The following IMPG2 variants were observed in gnomAD, a reference collection of about 807,000 sequenced individuals.
The protein encoded by IMPG2 is IPM 200.
In IMPG2, 91 loss-of-function variants were observed where a neutral mutation model predicts 129.2. The observed-to-expected ratio is 0.70, with a 90% CI of 0.59 to 0.84. The LOEUF is 0.84. IMPG2 is among the 40% of genes least tolerant of loss of function. The pLI is 0.00. For missense variants in IMPG2, 1,430 were observed against 1,461.7 expected, an observed-to-expected ratio of 0.98 and a Z score of 0.35; for synonymous variants, 510 against 517.7, an observed-to-expected ratio of 0.99 and a Z score of 0.20.
intron 18 of IMPG2, chr3:101,227,842 A>C (rs766316175): frequency 3.1e-5 from 14 of 456,126 alleles, no homozygotes; most frequent in Non-Finnish European, 6.2e-5. Context: ...TTACAGAGGA[A>C]CCACGAGCAA....
At chr3:101,295,949 AG>A (rs1156446759) in intron 3 of IMPG2, among the ~76,000 whole-genome samples, 2 of 152,198 alleles carry the variant, frequency 1.3e-5, no homozygotes, top group Non-Finnish European at 2.9e-5. Context: ...TATCAGCTTA[AG>A]GAGTTCTGGG....
chr3:101,297,004 G>A (rs571962752), intron 3 of IMPG2, among the ~76,000 whole-genome samples: 4 of 152,234 alleles, frequency 2.6e-5, no homozygotes, highest in South Asian at 2.1e-4. Flanking sequence ...CCAGGTTCAC[G>A]CCACTCTCCT....
intron 2 of IMPG2, among the ~76,000 whole-genome samples, chr3:101,312,397 A>C (rs1707277012): frequency 6.6e-6 from 1 of 152,134 alleles, no homozygotes; most frequent in African/African-American, 2.4e-5. Context: ...AGATATACAA[A>C]TGATAAATAA....
At chr3:101,305,382 C>A (rs138190599) in intron 2 of IMPG2, among the ~76,000 whole-genome samples, 1 of 152,068 alleles carries the variant, frequency 6.6e-6, no homozygotes, top group Non-Finnish European at 1.5e-5. Context: ...AGTGAGAGTA[C>A]TCCATATGAT....
rs924102146 is a variant in IMPG2, at chr3:101,263,097, C to G, written c.908+4414G>C. ...GGAGAGATAGACCCCAATACAATAA[C>G]AGTTGAGGACTTCAACACCCCATTA... On this transcript the variant is annotated intron_variant, in intron 9 of 18. Coordinates refer to ENST00000193391, the MANE Select transcript of IMPG2 (RefSeq NM_016247.4). Among the ~76,000 whole-genome samples, 3 of 151,986 alleles carry G rather than the reference C, an allele frequency of 2.0e-5. No individual in the cohort carries two copies. In the East Asian group the frequency reaches 5.8e-4, roughly 29 times the overall value.
chr3:101,283,233 C>T (rs570901179), intron 4 of IMPG2, among the ~76,000 whole-genome samples: 1 of 152,170 alleles, frequency 6.6e-6, no homozygotes, highest in Non-Finnish European at 1.5e-5. Context: ...CCATGTTGGC[C>T]AGGCTGGTCT....
chr3:101,270,453 C>T (rs1199973678), intron 7 of IMPG2, among the ~76,000 whole-genome samples: 1 of 152,116 alleles, frequency 6.6e-6, no homozygotes, highest in African/African-American at 2.4e-5. Flanking sequence ...TTGCAGGAGC[C>T]AGTTTTATTA....
intron 17 of IMPG2, 140 bp from the exon 18 acceptor site, chr3:101,229,016 T>C (rs896415733): frequency 5.9e-6 from 4 of 683,080 alleles, no homozygotes; most frequent in Non-Finnish European, 1.0e-5. Context: ...AGTGCAGGAG[T>C]GTGCACTTTC....
intron 17 of IMPG2, 59 bp downstream of exon 17, chr3:101,229,321 C>CCCCCCCCCCCCCCCCA: frequency 1.2e-6 from 1 of 864,558 alleles, no homozygotes; most frequent in Non-Finnish European, 1.8e-6. Context: ...CCACCCCCTG[C>CCCCCCCCCCCCCCCCA]TCCCCCACAC....
At chr3:101,291,256 CATA>C (rs1440145464) in intron 4 of IMPG2, among the ~76,000 whole-genome samples, 1 of 152,128 alleles carries the variant, frequency 6.6e-6, no homozygotes, top group African/African-American at 2.4e-5. Flanking sequence ...AAGTTTGCCT[CATA>C]ATAAGTTCAG....
Position 101,224,632 on chromosome 3 carries a change from T to C in IMPG2, c.*2337A>G, listed in dbSNP as rs925857014. ...TAATAGCTCCTTTAGTGCTTTGCTT[T>C]GTACATGAGTGGATGGATCTTTGCT... On this transcript the variant is annotated 3_prime_UTR_variant, in exon 19 of 19. Transcript: ENST00000193391. The C allele has an allele frequency of 6.6e-6, 1 of 152,216 alleles. No individual in the cohort carries two copies. The highest frequency in any genetic ancestry group is 1.5e-5 in the Non-Finnish European group (1 of 68,034). 9.4% of individuals were successfully genotyped at this position (152,216 alleles called of 1,614,324 possible). A position where few individuals can be genotyped will look rare whatever the true frequency, so the allele number is the denominator to read the frequency against.
intron 11 of IMPG2, among the ~76,000 whole-genome samples, chr3:101,251,201 A>G (rs1409070969): frequency 6.6e-6 from 1 of 152,214 alleles, no homozygotes; most frequent in Non-Finnish European, 1.5e-5. Context: ...TCAATGAAAA[A>G]GAAATCCTCA....
intron 3 of IMPG2, among the ~76,000 whole-genome samples, chr3:101,301,339 G>C (rs919047896): frequency 2.6e-5 from 4 of 152,170 alleles, no homozygotes; most frequent in Non-Finnish European, 5.9e-5. Context: ...TGGAAGAATG[G>C]TACTAACAGA....
intron 2 of IMPG2, among the ~76,000 whole-genome samples, chr3:101,305,321 G>C (rs1162680864): frequency 6.6e-6 from 1 of 152,088 alleles, no homozygotes; most frequent in African/African-American, 2.4e-5. Context: ...TGGTTTCCAG[G>C]GGTTGAGGGA....
chr3:101,315,804 T>C (rs1288951596), intron 2 of IMPG2, among the ~76,000 whole-genome samples: 1 of 151,804 alleles, frequency 6.6e-6, no homozygotes, highest in Non-Finnish European at 1.5e-5. Flanking sequence ...AATATTTATA[T>C]GGAATATAAA....
At position 101,229,329 on chromosome 3, in the gene IMPG2, C is replaced by T. The variant is rs375667296; in HGVS notation, c.3633+51G>A. ...CCACCCACCACCCCCTGCTCCCCCA[C>T]ACACACACCAGCAGTAGCTGCGACA... is the stretch of plus-strand genomic sequence containing the variant. On this transcript the variant is annotated intron_variant, in intron 17 of 18. Transcript: ENST00000193391. 4.9e-6 allele frequency: 7 copies of T among 1,416,210 alleles called. No individual in the cohort carries two copies. The African/African-American group carries it at 1.0e-4, about 20-fold the overall frequency. The allele number at this position is 1,416,210 out of a possible 1,614,324, so 87.7% of individuals were successfully genotyped here. A position where few individuals can be genotyped will look rare whatever the true frequency, so the allele number is the denominator to read the frequency against.
At chr3:101,270,085 G>C (rs1327231421) in intron 7 of IMPG2, among the ~76,000 whole-genome samples, 1 of 151,766 alleles carries the variant, frequency 6.6e-6, no homozygotes, top group Non-Finnish European at 1.5e-5. Context: ...TTACAGGTGT[G>C]CGCCACCATG....
At chr3:101,239,573 T>C (rs1226168856) in intron 14 of IMPG2, among the ~76,000 whole-genome samples, 1 of 152,144 alleles carries the variant, frequency 6.6e-6, no homozygotes, top group Non-Finnish European at 1.5e-5. Flanking sequence ...TTGCTGCCTA[T>C]ATACCCAAAG....
chr3:101,236,097 T>C (rs1706343058), intron 14 of IMPG2, among the ~76,000 whole-genome samples: 1 of 152,210 alleles, frequency 6.6e-6, no homozygotes, highest in Non-Finnish European at 1.5e-5. Context: ...TGGAGGTGCT[T>C]TGAGCAGATC....
Sources: allele counts gnomAD v4.1 joint callset (sites outside exome capture counted in the v4.1 genomes callset), GRCh38; gene constraint gnomAD v4.1.1; transcripts MANE v1.5; gene names NCBI Gene and HGNC (gene_info 2026-07-23, HGNC 2026-07-21).